The following SLC30A7 variants were observed in gnomAD, a reference collection of about 807,000 sequenced individuals.
SLC30A7 encodes the protein zinc transporter 7.
SLC30A7 carries 35 observed loss-of-function variants against 46.0 expected under a neutral mutation model. The ratio of observed to expected loss-of-function variants is 0.76; its 90% CI spans 0.58 to 1.01. The LOEUF is 1.01. Ranked by LOEUF, SLC30A7 falls within the 50% of genes least tolerant of loss-of-function variation. The pLI is 0.00. For synonymous variants in SLC30A7, 147 were observed against 157.8 expected (o/e 0.93, Z 0.51); for missense variants, 464 against 451.1 (o/e 1.03, Z -0.26).
intron 2 of SLC30A7, among the ~76,000 whole-genome samples, chr1:100,903,663 A>G (rs980274536): frequency 9.2e-5 from 14 of 152,300 alleles, no homozygotes; most frequent in African/African-American, 3.4e-4. Context: ...AAGGTTCATG[A>G]TAAAAGTTTA....
At chr1:100,927,195 A>C (rs1338519209) in intron 8 of SLC30A7, among the ~76,000 whole-genome samples, 2 of 152,194 alleles carry the variant, frequency 1.3e-5, no homozygotes, top group Non-Finnish European at 2.9e-5. Flanking sequence ...TGTTGTTTAA[A>C]GCCATATTTA....
At chr1:100,967,475 G>A (rs770219105) in intron 10 of SLC30A7, among the ~76,000 whole-genome samples, 1 of 152,108 alleles carries the variant, frequency 6.6e-6, no homozygotes, top group Non-Finnish European at 1.5e-5. Flanking sequence ...GTACTGGCCC[G>A]TGGCCCAGGG....
In SLC30A7 at chr1:100,980,677, A is replaced by C. The variant is rs1656874035; in HGVS notation, c.*5820A>C. On this transcript the variant is annotated 3_prime_UTR_variant, in exon 11 of 11. Coordinates refer to ENST00000357650, the MANE Select transcript of SLC30A7 (RefSeq NM_133496.5). ...ATTCACCTTGGCCATTTTTTTTTTT[A>C]AGTAGCCCTATGAGCTGCTCATTCT... 1 of 151,160 alleles carries C rather than the reference A, an allele frequency of 6.6e-6. No individual in the cohort carries two copies. Among genetic ancestry groups the C allele is most frequent in the African/African-American group, 2.4e-5 (1 of 41,298 alleles). 9.4% of individuals were successfully genotyped at this position (151,160 alleles called of 1,614,324 possible).
chr1:100,936,797 A>G (rs1273148497), intron 8 of SLC30A7, among the ~76,000 whole-genome samples: 1 of 152,122 alleles, frequency 6.6e-6, no homozygotes, highest in African/African-American at 2.4e-5. Context: ...TTCTGTCTCT[A>G]TGAAGTTGTG....
Position 100,965,929 on chromosome 1 carries a change from T to A in SLC30A7, c.1083+11T>A. The A allele has an allele frequency of 6.3e-7, 1 of 1,596,052 alleles. No homozygotes were observed. Among genetic ancestry groups the A allele is most frequent in the Non-Finnish European group, 8.5e-7 (1 of 1,174,150 alleles). ...AATATTTTTACTCAGGTATGTCTTTTTTACTAACTTCTTTTAAGGGCCTTA... is the reference window on the plus strand; with the variant it reads ...AATATTTTTACTCAGGTATGTCTTTATTACTAACTTCTTTTAAGGGCCTTA... On this transcript the variant is annotated intron_variant, in intron 10 of 10. Transcript: ENST00000357650.
At chr1:100,915,244 T>C (rs537820996) in intron 6 of SLC30A7, among the ~76,000 whole-genome samples, 9 of 139,754 alleles carry the variant, frequency 6.4e-5, no homozygotes, top group African/African-American at 1.0e-4. Flanking sequence ...TTTCTTTCTT[T>C]CTTTCTTTCT....
intron 8 of SLC30A7, among the ~76,000 whole-genome samples, chr1:100,946,147 C>T (rs987271967): frequency 6.6e-6 from 1 of 152,180 alleles, no homozygotes; most frequent in African/African-American, 2.4e-5. Context: ...TATCCTGAGA[C>T]TTTGCTGAAG....
In SLC30A7 at chr1:100,913,710, C is replaced by T; in HGVS notation, c.559C>T (p.His187Tyr). Residue 187 changes from histidine (H) to tyrosine (Y), a missense_variant, in exon 6 of 11, where the codon CAT (histidine) becomes TAT (tyrosine). Coordinates refer to ENST00000357650, the MANE Select transcript of SLC30A7 (RefSeq NM_133496.5). ...SLFNGALDQA[H>Y]GHVDHCHSHE... ...CTTTAATGGTGCTCTAGATCAGGCACATGGCCATGTCGATCATTGCCATAG... is the reference window on the plus strand; with the variant it reads ...CTTTAATGGTGCTCTAGATCAGGCATATGGCCATGTCGATCATTGCCATAG... 6.2e-7 allele frequency: 1 copy of T among 1,613,966 alleles called. No homozygotes were observed. The highest frequency in any genetic ancestry group is 8.5e-7 in the Non-Finnish European group (1 of 1,179,850).
chr1:100,911,554 AT>A (rs1363514602), intron 4 of SLC30A7, among the ~76,000 whole-genome samples: 4 of 151,890 alleles, frequency 2.6e-5, no homozygotes, highest in Non-Finnish European at 5.9e-5. Flanking sequence ...TTAATTTTTT[AT>A]TTATTTAGTT....
chr1:100,948,387 T>G (rs1469944149), intron 8 of SLC30A7, among the ~76,000 whole-genome samples: 1 of 152,254 alleles, frequency 6.6e-6, no homozygotes, highest in Admixed American at 6.5e-5. Context: ...TCTTCTGGCT[T>G]TTAGGGTTTC....
intron 8 of SLC30A7, among the ~76,000 whole-genome samples, chr1:100,923,748 C>T (rs374217453): frequency 4.6e-5 from 7 of 152,306 alleles, no homozygotes; most frequent in African/African-American, 1.7e-4. Flanking sequence ...CACTGCATTC[C>T]AGCCTGGGTG....
At chr1:100,942,898 T>C (rs1654437203) in intron 8 of SLC30A7, among the ~76,000 whole-genome samples, 1 of 152,222 alleles carries the variant, frequency 6.6e-6, no homozygotes, top group Non-Finnish European at 1.5e-5. Context: ...TTTAATCATT[T>C]ACAACATTTT....
In SLC30A7 at chr1:100,912,241, A is replaced by G. The variant is rs1424509697; in HGVS notation, c.511+3A>G. ...TCATGGACATTCTCATGGCTCTGGTATGATGGTTAGGACACTTTGTTTCTT... is the reference window on the plus strand; with the variant it reads ...TCATGGACATTCTCATGGCTCTGGTGTGATGGTTAGGACACTTTGTTTCTT... On this transcript the variant is annotated splice_donor_region_variant and intron_variant, in intron 5 of 10. Transcript: ENST00000357650. 1.2e-6 allele frequency: 2 copies of G among 1,613,318 alleles called. No homozygotes were observed. The highest frequency in any genetic ancestry group is 1.7e-6 in the Non-Finnish European group (2 of 1,179,714).
chr1:100,961,467 T>C (rs1421560036), intron 8 of SLC30A7, among the ~76,000 whole-genome samples: 1 of 152,238 alleles, frequency 6.6e-6, no homozygotes, highest in African/African-American at 2.4e-5. Context: ...GCTGATGTAT[T>C]CATTTTTTTG....
chr1:100,930,131 A>G (rs1653578597), intron 8 of SLC30A7, among the ~76,000 whole-genome samples: 1 of 152,022 alleles, frequency 6.6e-6, no homozygotes, highest in Non-Finnish European at 1.5e-5. Flanking sequence ...CTGGTGTGAT[A>G]TTTCTGAAGC....
chr1:100,932,851 G>T (rs1653736449), intron 8 of SLC30A7, among the ~76,000 whole-genome samples: 1 of 152,068 alleles, frequency 6.6e-6, no homozygotes, highest in African/African-American at 2.4e-5. Context: ...TAAAATTGTT[G>T]ATGTCTTACC....
At chr1:100,995,494 T>C in the SLC30A7 span, 1 of 172,942 alleles carries the variant, frequency 5.8e-6, no homozygotes, top group Non-Finnish European at 1.2e-5. Flanking sequence ...CACAGACCCA[T>C]CTGAAAGCCC....
At chr1:100,959,743 A>C (rs776261250) in intron 8 of SLC30A7, among the ~76,000 whole-genome samples, 1 of 152,200 alleles carries the variant, frequency 6.6e-6, no homozygotes, top group African/African-American at 2.4e-5. Context: ...TCACTTTGTC[A>C]TACTCTGTTC....
intron 8 of SLC30A7, among the ~76,000 whole-genome samples, chr1:100,958,034 G>A (rs933427325): frequency 3.9e-5 from 6 of 152,094 alleles, no homozygotes; most frequent in Non-Finnish European, 7.4e-5. Flanking sequence ...TTAGATGAAT[G>A]AATAACCAAT....
Sources: allele counts gnomAD v4.1 joint callset (sites outside exome capture counted in the v4.1 genomes callset), GRCh38; gene constraint gnomAD v4.1.1; transcripts MANE v1.5; gene names NCBI Gene and HGNC (gene_info 2026-07-23, HGNC 2026-07-21).